The following NEB variants were observed in gnomAD, a reference collection of about 807,000 sequenced individuals.
NEB encodes nebulin.
A neutral mutation model predicts 952.2 loss-of-function variants in NEB; 512 were observed. That is an observed-to-expected ratio of 0.54 (90% confidence interval 0.50 to 0.58). The LOEUF (loss-of-function observed/expected upper bound fraction) is 0.58. Ranked by LOEUF, NEB falls within the 20% of genes least tolerant of loss-of-function variation. The pLI, the probability that NEB is intolerant of heterozygous loss-of-function variation, is 0.00. For missense variants in NEB, 8,428 were observed against 9,231.1 expected (o/e 0.91, Z 3.56); for synonymous variants, 2,900 against 3,149.8 (o/e 0.92, Z 2.66).
chr2:151,688,012 G>A, intron 25 of NEB, among the ~76,000 whole-genome samples: 1 of 152,184 alleles, frequency 6.6e-6, no homozygotes, highest in East Asian at 1.9e-4. Flanking sequence ...CTCACTTGGA[G>A]AAGGTGAAAT....
In NEB at chr2:151,610,850, G is replaced by A. The variant is rs1447093200; in HGVS notation, c.11822C>T (p.Ala3941Val). Reference protein sequence around the residue: ...LTMSKHLYTEAWDADKTSIHV... With the variant: ...LTMSKHLYTEVWDADKTSIHV... ...GATGGAGGTTTTGTCAGCATCCCAA[G>A]CTTCTGTGTATAAATGCTACAGGGC... The change falls in exon 79 of 182, where the codon GCT becomes GTT. Residue 3941 changes from alanine (A) to valine (V), a missense_variant. Around this residue, in one of 11 missense-constraint regions of NEB, gnomAD observed 337 missense variants for 297.5 expected, o/e 1.13. Coordinates refer to ENST00000397345, the MANE Select transcript of NEB (RefSeq NM_001164508.2). 1.9e-6 allele frequency: 3 copies of A among 1,596,024 alleles called. No homozygotes were observed. Among genetic ancestry groups the A allele is most frequent in the South Asian group, 2.3e-5 (2 of 88,110 alleles).
chr2:151,507,736 C>T (rs1281308950), intron 162 of NEB: 4 of 370,070 alleles, frequency 1.1e-5, no homozygotes, highest in South Asian at 7.0e-5. Context: ...CAGGGGTTTT[C>T]GCCATGAACC....
intron 68 of NEB, among the ~76,000 whole-genome samples, chr2:151,628,571 T>C (rs1315860535): frequency 6.6e-6 from 1 of 152,214 alleles, no homozygotes; most frequent in East Asian, 1.9e-4. Flanking sequence ...CTGGGCATAG[T>C]GGCTTATGCC....
Position 151,565,729 on chromosome 2 carries a change from T to C in NEB, c.18248A>G (p.Glu6083Gly). 6.2e-7 allele frequency: 1 copy of C among 1,612,240 alleles called. No individual in the cohort carries two copies. Among genetic ancestry groups the C allele is most frequent in the Non-Finnish European group, 8.5e-7 (1 of 1,179,108 alleles). ...GGCTTTGCGTACCTGACTCATCATT[T>C]CCTGGTTCTTAGTAACCCTTACATG... Reference protein sequence around the residue: ...VDHVRVTKNQEMMSQIKYKKN... With the variant: ...VDHVRVTKNQGMMSQIKYKKN... Residue 6083 changes from glutamate to glycine, a missense_variant, in exon 115 of 182, where the codon GAA (glutamate) becomes GGA (glycine). Physicochemically the swap from Glu to Gly is moderately conservative, Grantham distance 98. Coordinates refer to ENST00000397345, the MANE Select transcript of NEB (RefSeq NM_001164508.2).
Position 151,631,200 on chromosome 2 carries a change from A to G in NEB, c.9561T>C (p.Ser3187=). Residue 3187 remains serine (S), a synonymous_variant, in exon 66 of 182, where the codon AGT becomes AGC. Coordinates refer to ENST00000397345, the MANE Select transcript of NEB (RefSeq NM_001164508.2). ...RQPPDKLKFT[S]VTDSLEQVLA... is the part of the protein sequence containing the mutation. ...GCACCTGCTCTAGAGAATCAGTCAC[A>G]CTGGTAAATTTCAGCTTGTCCGGAG... 5 of 1,613,948 alleles carry G rather than the reference A, an allele frequency of 3.1e-6. No individual in the cohort carries two copies. The highest frequency in any genetic ancestry group is 4.2e-6 in the Non-Finnish European group (5 of 1,179,862).
chr2:151,723,999 G>C (rs1005910772), intron 8 of NEB, among the ~76,000 whole-genome samples: 1 of 152,026 alleles, frequency 6.6e-6, no homozygotes, highest in African/African-American at 2.4e-5. Context: ...GTTCTCCAGA[G>C]CACCTTTATT....
At position 151,662,328 on chromosome 2, in the gene NEB, G is replaced by T; in HGVS notation, c.5777C>A (p.Ala1926Asp). Residue 1926 changes from alanine to aspartate, a missense_variant, in exon 46 of 182, where the codon GCT becomes GAT. Ala to Asp is a moderately radical substitution (Grantham distance 126). Coordinates refer to ENST00000397345, the MANE Select transcript of NEB (RefSeq NM_001164508.2). ...MQIQSDNQYK[A>D]DYADFMKGIG... ...GCCCTTCATGAAGTCAGCATAGTCA[G>T]CCTTGTACTGATTCTGCAAAAGAGG... 4.4e-6 allele frequency: 7 copies of T among 1,583,736 alleles called. No homozygotes were observed. Among genetic ancestry groups the T allele is most frequent in the Non-Finnish European group, 6.0e-6 (7 of 1,164,020 alleles).
In NEB at chr2:151,677,960, A is replaced by C. The variant is rs1378265034; in HGVS notation, c.3483T>G (p.Tyr1161Ter). 5.0e-6 allele frequency: 8 copies of C among 1,613,802 alleles called. No individual in the cohort carries two copies. Among genetic ancestry groups the C allele is most frequent in the Non-Finnish European group, 6.8e-6 (8 of 1,179,822 alleles). Residue 1161 changes from tyrosine (Y) to a stop codon, truncating the protein, a stop_gained, in exon 33 of 182, where the codon TAT (tyrosine) becomes TAG (stop). Transcript: ENST00000397345. LOFTEE classifies it high-confidence loss of function. ...KAQDVVSNVN[Y>*]KHSLHHYTYL... ...AGGTGTAATGATGGAGAGAATGCTT[A>C]TAGTTGACATTGCTGACCACATCCT...
chr2:151,707,752 C>T (rs1464013361), intron 12 of NEB, among the ~76,000 whole-genome samples: 1 of 152,110 alleles, frequency 6.6e-6, no homozygotes, highest in Admixed American at 6.5e-5. Context: ...AATATAAGCA[C>T]AGAAGTTCAA....
intron 13 of NEB, among the ~76,000 whole-genome samples, chr2:151,698,782 T>C (rs970575610): frequency 1.3e-5 from 2 of 151,636 alleles, no homozygotes; most frequent in Non-Finnish European, 2.9e-5. Context: ...GGACTACAGG[T>C]GCCTGCCACC....
At chr2:151,627,440 T>C in intron 69 of NEB, 83 bp downstream of exon 69, 1 of 1,544,412 alleles carries the variant, frequency 6.5e-7, no homozygotes, top group East Asian at 2.3e-5. Context: ...CTTCTGAAGG[T>C]TCTACCTAAT....
intron 70 of NEB, among the ~76,000 whole-genome samples, chr2:151,626,084 T>C (rs1444455212): frequency 6.6e-6 from 1 of 152,148 alleles, no homozygotes; most frequent in African/African-American, 2.4e-5. Context: ...AGATTTCTTT[T>C]TGATAAATGT....
intron 172 of NEB, among the ~76,000 whole-genome samples, chr2:151,496,702 C>T (rs901267098): frequency 6.6e-5 from 10 of 151,420 alleles, no homozygotes; most frequent in Non-Finnish European, 1.3e-4. Context: ...TCCACACAAA[C>T]GGAAAAACTC....
At chr2:151,566,487 A>T (rs1186507993) in intron 114 of NEB, among the ~76,000 whole-genome samples, 2 of 152,178 alleles carry the variant, frequency 1.3e-5, no homozygotes, top group African/African-American at 4.8e-5. Context: ...CCTTTTGTTA[A>T]TGATGAGAAG....
chr2:151,644,878 C>T (rs1315634631), intron 55 of NEB, among the ~76,000 whole-genome samples: 2 of 152,148 alleles, frequency 1.3e-5, no homozygotes, highest in East Asian at 3.9e-4. Flanking sequence ...GGGAACATCA[C>T]AGAGTGTACT....
chr2:151,650,150 C>T lies in NEB; in HGVS notation c.7431+26G>A, dbSNP rs775719347. 65 of 1,603,154 alleles carry T rather than the reference C, an allele frequency of 4.1e-5. 1 individual carries two copies. The highest frequency in any genetic ancestry group is 5.4e-5 in the Non-Finnish European group (63 of 1,170,532). ...AACACTAGGTAGCAGGCACTATAAT[C>T]TATTTATTTCCAGAGTGCTACTCAC... is the stretch of plus-strand genomic sequence containing the variant. On this transcript the variant is annotated intron_variant, in intron 54 of 181. Transcript: ENST00000397345.
intron 73 of NEB, 71 bp from the exon 74 acceptor site, chr2:151,618,549 C>T: frequency 7.1e-7 from 1 of 1,413,516 alleles, no homozygotes; most frequent in Non-Finnish European, 9.7e-7. Flanking sequence ...AATGGGTTAT[C>T]CTAGAGAAAC....
chr2:151,627,967 T>C, intron 68 of NEB, 133 bp from the exon 69 acceptor site: 1 of 1,216,580 alleles, frequency 8.2e-7, no homozygotes, highest in Non-Finnish European at 1.1e-6. Flanking sequence ...TCAGTTTATC[T>C]CCTCATCCTA....
At chr2:151,658,224 G>A in intron 47 of NEB, 134 bp from the exon 48 acceptor site, 1 of 619,012 alleles carries the variant, frequency 1.6e-6, no homozygotes, top group South Asian at 2.1e-5. Context: ...TTCAGTGGCT[G>A]AATGTTCTTA....
Sources: allele counts gnomAD v4.1 joint callset (sites outside exome capture counted in the v4.1 genomes callset), GRCh38; gene constraint gnomAD v4.1.1; regional missense constraint gnomAD v4.1.1; transcripts MANE v1.5; gene names NCBI Gene and HGNC (gene_info 2026-07-23, HGNC 2026-07-21).